ZFHX3: variants seen among roughly 807,000 people sequenced by gnomAD.
ZFHX3 encodes the protein zinc finger homeobox protein 3.
A neutral mutation model predicts 279.1 loss-of-function variants in ZFHX3; 42 were observed. That is an observed-to-expected ratio of 0.15 (90% confidence interval 0.12 to 0.19). ZFHX3 has a LOEUF of 0.19. ZFHX3 is among the 10% of genes least tolerant of loss of function. The pLI is 1.00. For synonymous variants in ZFHX3, 2,293 were observed against 1,957.8 expected (o/e 1.17, Z -4.52); for missense variants, 4,981 against 4,754.0 (o/e 1.05, Z -1.40).
In ZFHX3 at chr16:73,733,889, A is replaced by T. The variant is rs189790524; in HGVS notation, c.-1607-53649T>A. On this transcript the variant is annotated intron_variant, in intron 1 of 17. Coordinates refer to the ZFHX3 transcript ENST00000641206. ...AGTGATGAGAGTTCAAATAATGTAC[A>T]AAATTTTGTTTTGAAATTCTTTAAC... 3.3e-5 allele frequency among the ~76,000 whole-genome samples: 5 copies of T among 152,328 alleles called. No homozygotes were observed. The East Asian group carries it at 9.6e-4, about 29-fold the overall frequency.
At chr16:73,207,510 C>T (rs1249704886) in intron 5 of ZFHX3, among the ~76,000 whole-genome samples, 3 of 152,048 alleles carry the variant, frequency 2.0e-5, no homozygotes, top group African/African-American at 4.8e-5. Context: ...GCCAAAAGAA[C>T]GACAGCAGTA....
intron 2 of ZFHX3, chr16:73,543,908 G>GAGAGAGAGAGAGAGAGAGAGAC (rs1409727420): frequency 6.6e-6 from 1 of 150,918 alleles, no homozygotes; most frequent in Non-Finnish European, 1.5e-5. Context: ...GAGAGAGAGA[G>GAGAGAGAGAGAGAGAGAGAGAC]AGACAGAGGG....
At chr16:72,976,517 G>A (rs756309657) in intron 1 of ZFHX3, among the ~76,000 whole-genome samples, 22 of 152,240 alleles carry the variant, frequency 1.4e-4, no homozygotes, top group Middle Eastern at 3.4e-3. Flanking sequence ...TACACAGCGC[G>A]TCCCTCCTGT....
intron 1 of ZFHX3, among the ~76,000 whole-genome samples, chr16:73,880,838 T>C (rs2030121143): frequency 6.6e-6 from 1 of 152,226 alleles, no homozygotes; most frequent in South Asian, 2.1e-4. Context: ...AGTCGGATAG[T>C]AATCTTTCCA....
At chr16:73,432,844 T>C (rs556227481) in intron 3 of ZFHX3, among the ~76,000 whole-genome samples, 3 of 152,304 alleles carry the variant, frequency 2.0e-5, no homozygotes, top group African/African-American at 7.2e-5. Flanking sequence ...AGATGGGTTT[T>C]ATTGAAGTCA....
chr16:73,353,504 C>T (rs551695470), intron 3 of ZFHX3, among the ~76,000 whole-genome samples: 23 of 152,340 alleles, frequency 1.5e-4, no homozygotes, highest in African/African-American at 5.3e-4. Context: ...TGCTCTTCTT[C>T]TATCAGTTCA....
At chr16:72,788,874 C>G (rs756399219) in intron 9 of ZFHX3, 26 bp from the exon 10 acceptor site, 1 of 1,514,570 alleles carries the variant, frequency 6.6e-7, no homozygotes, top group Non-Finnish European at 8.8e-7. Flanking sequence ...ACAGAAATCA[C>G]CGGTCAGTCT....
chr16:73,584,660 G>C (rs569256308), intron 2 of ZFHX3, among the ~76,000 whole-genome samples: 2 of 152,258 alleles, frequency 1.3e-5, no homozygotes, highest in East Asian at 3.9e-4. Flanking sequence ...GACGGGATAA[G>C]GTCAGGTCAT....
At chr16:72,882,975 GGGGTGTGTGT>G (rs2038521517) in intron 4 of ZFHX3, among the ~76,000 whole-genome samples, 6 of 113,430 alleles carry the variant, frequency 5.3e-5, no homozygotes, top group East Asian at 2.7e-4. Context: ...ACACCACTCT[GGGGTGTGTGT>G]GTGTGTGTGT....
intron 1 of ZFHX3, among the ~76,000 whole-genome samples, chr16:72,991,155 TGAGA>T (rs146205288): frequency 0.011 from 1,603 of 152,278 alleles, 16 homozygotes; most frequent in African/African-American, 0.03. Context: ...TAAGATATTC[TGAGA>T]GAGAGGAGAG....
chr16:73,281,357 G>A (rs1457650473), intron 4 of ZFHX3, among the ~76,000 whole-genome samples: 3 of 152,198 alleles, frequency 2.0e-5, no homozygotes, highest in Non-Finnish European at 2.9e-5. Flanking sequence ...AGGACACTAT[G>A]TTAAGTGAAA....
chr16:73,001,887 T>C (rs1476496865), intron 1 of ZFHX3, among the ~76,000 whole-genome samples: 2 of 151,988 alleles, frequency 1.3e-5, no homozygotes, highest in Non-Finnish European at 2.9e-5. Flanking sequence ...GATTCTCACT[T>C]AGGCCAGACT....
chr16:72,825,839 C>T (rs28495101), intron 5 of ZFHX3, among the ~76,000 whole-genome samples: 4,684 of 152,208 alleles, frequency 0.031, 258 homozygotes, highest in African/African-American at 0.11. Flanking sequence ...TCAGTGGTAC[C>T]AGCCACACTT....
rs4788486 is a variant in ZFHX3 at position 72,909,513 on chromosome 16, T to C, written c.3217-19551A>G. Among the ~76,000 whole-genome samples, 575 of 151,518 alleles carry C rather than the reference T, an allele frequency of 3.8e-3. 8 individuals carry two copies. The highest frequency in any genetic ancestry group is 0.034 in the Admixed American group (519 of 15,216). ...CTCAATAAAGGGAACATATACATTATCTTTCTCTCACACACACCCTCTTAA... is the reference window on the plus strand; with the variant it reads ...CTCAATAAAGGGAACATATACATTACCTTTCTCTCACACACACCCTCTTAA... On this transcript the variant is annotated intron_variant, in intron 3 of 9. Transcript: ENST00000268489.
intron 2 of ZFHX3, among the ~76,000 whole-genome samples, chr16:73,579,874 A>ATATATATATATG (rs59950835): frequency 1.4e-5 from 2 of 143,590 alleles, no homozygotes; most frequent in Non-Finnish European, 3.0e-5. Context: ...ATATATATAT[A>ATATATATATATG]CATACACACA....
rs111663617 is a variant in ZFHX3, at chr16:73,666,685, T to C, written c.-1547+13495A>G. ...GTACGGGTGTATGAATTTTGTCAAA[T>C]GCACAGTCATGCCACCACCACTACA... On this transcript the variant is annotated intron_variant, in intron 2 of 17. Transcript: ENST00000641206. Among the ~76,000 whole-genome samples the C allele has an allele frequency of 4.2e-3, 633 of 152,036 alleles. 16 individuals carry two copies. The highest frequency in any genetic ancestry group is 0.014 in the African/African-American group (597 of 41,312).
intron 3 of ZFHX3, among the ~76,000 whole-genome samples, chr16:73,369,646 C>T (rs1351733668): frequency 6.6e-6 from 1 of 152,218 alleles, no homozygotes; most frequent in Non-Finnish European, 1.5e-5. Context: ...CCTAACCATG[C>T]ACCAGGACCA....
intron 3 of ZFHX3, among the ~76,000 whole-genome samples, chr16:73,338,662 AAT>A (rs1250110032): frequency 1.3e-5 from 2 of 152,096 alleles, no homozygotes; most frequent in Admixed American, 1.3e-4. Context: ...CACCCCTGCC[AAT>A]ATATGTTTCT....
chr16:73,148,784 T>C (rs1966881260), intron 5 of ZFHX3, among the ~76,000 whole-genome samples: 1 of 151,366 alleles, frequency 6.6e-6, no homozygotes, highest in Admixed American at 6.6e-5. Context: ...CTGTTTCTAA[T>C]AAAAATACAA....
Sources: allele counts gnomAD v4.1 joint callset (sites outside exome capture counted in the v4.1 genomes callset), GRCh38; gene constraint gnomAD v4.1.1; transcripts MANE v1.5; gene names NCBI Gene and HGNC (gene_info 2026-07-23, HGNC 2026-07-21).